Variants in SNRPA observed in about 807,000 individuals in gnomAD.
SNRPA encodes U1 small nuclear ribonucleoprotein A.
SNRPA carries 10 observed loss-of-function variants against 24.5 expected under a neutral mutation model. The ratio of observed to expected loss-of-function variants is 0.41; its 90% CI spans 0.25 to 0.69. The LOEUF (loss-of-function observed/expected upper bound fraction) is 0.69. Among genes scored for constraint, SNRPA ranks in the 30% least tolerant of loss-of-function variants. The pLI, the probability that SNRPA is intolerant of heterozygous loss-of-function variation, is 0.33. For synonymous variants in SNRPA, 165 were observed against 148.4 expected (o/e 1.11, Z -0.81); for missense variants, 283 against 394.7 (o/e 0.72, Z 2.40).
At chr19:40,758,783 G>T (rs936222286) in intron 2 of SNRPA, 1 of 152,068 alleles carries the variant, frequency 6.6e-6, no homozygotes, top group Non-Finnish European at 1.5e-5. Context: ...CTGGAGTGCA[G>T]TGGTGCCATC....
At chr19:40,751,552 C>A in intron 1 of SNRPA, 71 bp downstream of exon 1, 1 of 1,103,188 alleles carries the variant, frequency 9.1e-7, no homozygotes, top group Non-Finnish European at 1.4e-6. Flanking sequence ...CCCCTGCACC[C>A]GCCTCTCTTT....
intron 1 of SNRPA, 177 bp from the exon 2 acceptor site, chr19:40,757,155 T>A: frequency 1.6e-6 from 1 of 611,630 alleles, no homozygotes; most frequent in Non-Finnish European, 2.9e-6. Context: ...TACAGAAGAG[T>A]AGAAGAGTGT....
rs1243322132 is a variant in SNRPA, at chr19:40,757,436, AAGG to A, written c.182_184del (p.Glu61del). ...GAGGGGCCAGGCCTTTGTCATCTTC[AAGG>A]AGGTCAGCAGCGCCACCAACGCCCT... is the stretch of plus-strand genomic sequence containing the variant. On this transcript the variant is annotated inframe_deletion, in exon 2 of 6. Transcript: ENST00000243563. 2 of 1,614,102 alleles carry A rather than the reference AAGG, an allele frequency of 1.2e-6. No individual in the cohort carries two copies. The highest frequency in any genetic ancestry group is 3.3e-5 in the Admixed American group (2 of 60,020).
chr19:40,756,703 G>A (rs190670779), intron 1 of SNRPA, among the ~76,000 whole-genome samples: 3 of 152,166 alleles, frequency 2.0e-5, no homozygotes, highest in East Asian at 3.9e-4. Context: ...ACAAGTTAAC[G>A]TACCATGACA....
At chr19:40,757,681 G>A (rs550523600) in intron 2 of SNRPA, among the ~76,000 whole-genome samples, 177 bp downstream of exon 2, 64 of 152,064 alleles carry the variant, frequency 4.2e-4, no homozygotes, top group Non-Finnish European at 7.2e-4. Context: ...GGTGGCTCAC[G>A]TCTGTAATCC....
At chr19:40,763,171 T>C (rs2305797) in intron 4 of SNRPA, 97 bp downstream of exon 4, 314,238 of 952,128 alleles carry the variant, frequency 0.33, 54,310 homozygotes, top group Admixed American at 0.44. Flanking sequence ...TTGGGTGGTC[T>C]GGGCAGGCCC....
At chr19:40,751,571 T>C (rs1325589257) in intron 1 of SNRPA, 90 bp downstream of exon 1, 1 of 981,706 alleles carries the variant, frequency 1.0e-6, no homozygotes, top group African/African-American at 1.6e-5. Context: ...TTCTAAGTGT[T>C]TGTCCAGCCA....
intron 5 of SNRPA, among the ~76,000 whole-genome samples, chr19:40,763,909 C>A (rs147982500): frequency 1.3e-5 from 2 of 152,190 alleles, no homozygotes; most frequent in Non-Finnish European, 2.9e-5. Context: ...CTTTTTTCAG[C>A]CTTGTTTGAG....
rs768514991 is a variant in SNRPA at position 40,757,522 on chromosome 19, G to A, written c.246+18G>A. The A allele has an allele frequency of 4.1e-5, 65 of 1,599,068 alleles. No homozygotes were observed. Among genetic ancestry groups the A allele is most frequent in the South Asian group, 4.5e-5 (4 of 89,448 alleles). On this transcript the variant is annotated intron_variant, in intron 2 of 5. Coordinates refer to ENST00000243563, the MANE Select transcript of SNRPA (RefSeq NM_004596.5). ...AACCTATGGTGAGCATTGCGGGTAC[G>A]GAGGCTGTGTGGGTGTGTAAAATGT...
At chr19:40,761,465 T>C (rs1459156301) in intron 3 of SNRPA, among the ~76,000 whole-genome samples, 8 of 75,616 alleles carry the variant, frequency 1.1e-4, no homozygotes, top group Non-Finnish European at 1.5e-4. Context: ...TTTCTTTTTT[T>C]TTTTTTTTTT....
chr19:40,760,781 A>C (rs995637657), intron 3 of SNRPA, among the ~76,000 whole-genome samples: 3 of 152,164 alleles, frequency 2.0e-5, no homozygotes, highest in African/African-American at 7.2e-5. Context: ...TCTACAAAAA[A>C]TAAAATAGAA....
intron 4 of SNRPA, 72 bp downstream of exon 4, chr19:40,763,146 G>T (rs1019206297): frequency 5.6e-6 from 7 of 1,249,852 alleles, no homozygotes; most frequent in Admixed American, 2.5e-5. Context: ...GGACCAGTTG[G>T]GGGGCTGCTG....
In SNRPA at chr19:40,759,566, G is replaced by C. The variant is rs762398926; in HGVS notation, c.382G>C (p.Gly128Arg). 3.1e-6 allele frequency: 5 copies of C among 1,613,480 alleles called. No individual in the cohort carries two copies. The Middle Eastern group carries it at 5.0e-4, about 161-fold the overall frequency. The change falls in exon 3 of 6, where the codon GGG becomes CGG. Residue 128 changes from glycine to arginine, a missense_variant. Physicochemically the swap from Gly to Arg is moderately radical, Grantham distance 125 (BLOSUM62 -2). Transcript: ENST00000243563. ...GGCCACCAAGAAGGCTGTGCAAGGC[G>C]GGGGAGCCACCCCCGTGGTGGGGGC... ...TPATKKAVQGGGATPVVGAVQ... is the reference protein window; with the variant it reads ...TPATKKAVQGRGATPVVGAVQ...
chr19:40,758,522 C>T (rs1370395392), intron 2 of SNRPA, among the ~76,000 whole-genome samples: 1 of 152,168 alleles, frequency 6.6e-6, no homozygotes, highest in African/African-American at 2.4e-5. Context: ...GCTGTTCCAG[C>T]TTCCCTTAAA....
intron 1 of SNRPA, among the ~76,000 whole-genome samples, chr19:40,754,043 T>C (rs927425170): frequency 3.3e-5 from 5 of 149,510 alleles, no homozygotes; most frequent in African/African-American, 9.8e-5. Flanking sequence ...CCTCGTGATC[T>C]GCCCACCTTG....
chr19:40,753,671 A>G (rs12151259), intron 1 of SNRPA, among the ~76,000 whole-genome samples: 3,798 of 152,120 alleles, frequency 0.025, 68 homozygotes, highest in South Asian at 0.093. Context: ...TGCTGGGATT[A>G]CAGGTGTGAG....
intron 1 of SNRPA, among the ~76,000 whole-genome samples, chr19:40,754,345 C>A (rs2082899550): frequency 6.6e-6 from 1 of 152,064 alleles, no homozygotes; most frequent in South Asian, 2.1e-4. Context: ...TGTGATCCAC[C>A]CGCCTCGGCC....
intron 1 of SNRPA, among the ~76,000 whole-genome samples, chr19:40,753,835 C>T (rs1237985435): frequency 3.3e-5 from 5 of 151,886 alleles, no homozygotes; most frequent in African/African-American, 1.2e-4. Context: ...CTTCCTCTGT[C>T]GCCCAGGCTG....
At chr19:40,764,940 T>A (rs2082947841) in intron 5 of SNRPA, 68 bp from the exon 6 acceptor site, 1 of 1,429,874 alleles carries the variant, frequency 7.0e-7, no homozygotes, top group African/African-American at 1.5e-5. Context: ...ATTTCTGGCC[T>A]CTGTCCACTT....
Sources: gnomAD v4.1 joint callset for allele counts (sites outside exome capture counted in the v4.1 genomes callset) on GRCh38, gnomAD v4.1.1 for gene constraint, MANE v1.5 for transcripts, NCBI Gene and HGNC (gene_info 2026-07-23, HGNC 2026-07-21) for gene names.